The following CNTN5 variants were observed in gnomAD, a reference collection of about 807,000 sequenced individuals.
CNTN5 encodes contactin-5.
A neutral mutation model predicts 129.1 loss-of-function variants in CNTN5; 77 were observed. That is an observed-to-expected ratio of 0.60 (90% CI 0.50 to 0.72). CNTN5 has a LOEUF of 0.72. Ranked by LOEUF, CNTN5 falls within the 30% of genes least tolerant of loss-of-function variation. The pLI is 0.00. For synonymous variants in CNTN5, 509 were observed against 465.6 expected, an observed-to-expected ratio of 1.09 and a Z score of -1.20; for missense variants, 1,478 against 1,328.8, an observed-to-expected ratio of 1.11 and a Z score of -1.75.
At chr11:99,037,847 C>A (rs1431357227) in intron 1 of CNTN5, among the ~76,000 whole-genome samples, 1 of 151,910 alleles carries the variant, frequency 6.6e-6, no homozygotes, top group Admixed American at 6.6e-5. Context: ...CAGGTGTGAG[C>A]CACTGTGCCT....
intron 1 of CNTN5, among the ~76,000 whole-genome samples, chr11:99,159,990 GAC>G (rs1289625861): frequency 1.1e-4 from 16 of 152,272 alleles, no homozygotes; most frequent in Admixed American, 1.0e-3. Flanking sequence ...TTATGTCTTA[GAC>G]ACAGGGAGCA....
chr11:99,319,355 G>C (rs1318534442), intron 1 of CNTN5, among the ~76,000 whole-genome samples: 1 of 152,156 alleles, frequency 6.6e-6, no homozygotes. Flanking sequence ...ATTGGTGTTT[G>C]ATTCAGTTCG....
At chr11:99,889,293 TGTGTGTGTGTGTGTGTGTGTGTGTGTG>T (rs1948983928) in intron 6 of CNTN5, among the ~76,000 whole-genome samples, 2 of 1,976 alleles carry the variant, frequency 1.0e-3, no homozygotes, top group South Asian at 0.029. Context: ...CCAGAGCAGG[TGTGTGTGTGTGTGTGTGTGTGTGTGTG>T]TGTGTGTGTG....
chr11:99,446,490 C>T (rs1944077228), intron 2 of CNTN5, among the ~76,000 whole-genome samples: 1 of 151,986 alleles, frequency 6.6e-6, no homozygotes, highest in Admixed American at 6.6e-5. Flanking sequence ...TTTTTTCTTC[C>T]AATCCTTCTA....
chr11:99,484,915 C>T (rs1945749688), intron 2 of CNTN5, among the ~76,000 whole-genome samples: 1 of 151,812 alleles, frequency 6.6e-6, no homozygotes, highest in Non-Finnish European at 1.5e-5. Flanking sequence ...TTGGGAAGGG[C>T]CGGGGAGAGG....
At chr11:99,750,289 A>G (rs1462982356) in intron 3 of CNTN5, among the ~76,000 whole-genome samples, 1 of 152,172 alleles carries the variant, frequency 6.6e-6, no homozygotes, top group Non-Finnish European at 1.5e-5. Context: ...TTTAATATCT[A>G]TCTTACCTCT....
chr11:100,092,492 T>G (rs1944827434), intron 13 of CNTN5, among the ~76,000 whole-genome samples: 1 of 152,154 alleles, frequency 6.6e-6, no homozygotes, highest in Non-Finnish European at 1.5e-5. Context: ...CCATCCATAT[T>G]AAGCACAAAT....
intron 1 of CNTN5, among the ~76,000 whole-genome samples, chr11:99,050,884 A>G (rs1287139838): frequency 6.6e-6 from 1 of 151,934 alleles, no homozygotes; most frequent in Non-Finnish European, 1.5e-5. Flanking sequence ...AATTCAGCTC[A>G]GTCTATAACA....
intron 8 of CNTN5, among the ~76,000 whole-genome samples, chr11:99,973,056 A>C (rs1937685142): frequency 6.6e-6 from 1 of 152,026 alleles, no homozygotes; most frequent in South Asian, 2.1e-4. Flanking sequence ...GCCTAAAAAA[A>C]GGTGAATGAA....
rs1302979563 is a variant in CNTN5, at chr11:99,578,362, TC to T, written c.55+22094del. On this transcript the variant is annotated intron_variant, in intron 3 of 24. Coordinates refer to ENST00000524871, the MANE Select transcript of CNTN5 (RefSeq NM_014361.4). ...TATACCCAGTAATGGGATAGTTGGG[TC>T]AAATGGTATTTCTAGTTCTAGATCC... Among the ~76,000 whole-genome samples, 5 of 149,320 alleles carry T rather than the reference TC, an allele frequency of 3.3e-5. No homozygotes were observed. In the East Asian group the frequency reaches 1.0e-3, roughly 30 times the overall value.
chr11:99,569,403 TCCC>T (rs1949108141), intron 3 of CNTN5, among the ~76,000 whole-genome samples: 1 of 152,140 alleles, frequency 6.6e-6, no homozygotes, highest in Non-Finnish European at 1.5e-5. Flanking sequence ...AAGCTCCGCC[TCCC>T]GGGTTCAAGC....
intron 1 of CNTN5, among the ~76,000 whole-genome samples, chr11:99,037,448 A>G (rs1863792479): frequency 6.6e-6 from 1 of 152,072 alleles, no homozygotes. Flanking sequence ...ACAACAATGC[A>G]TATATTTTAA....
intron 2 of CNTN5, among the ~76,000 whole-genome samples, chr11:99,479,744 TA>T (rs1945517210): frequency 1.3e-5 from 2 of 152,044 alleles, no homozygotes; most frequent in Non-Finnish European, 2.9e-5. Context: ...TAATTAAATT[TA>T]AAAAACAAAA....
At chr11:99,892,827 A>G (rs977394955) in intron 6 of CNTN5, among the ~76,000 whole-genome samples, 2 of 152,094 alleles carry the variant, frequency 1.3e-5, no homozygotes, top group African/African-American at 4.8e-5. Flanking sequence ...TTTTGGTTCC[A>G]TATGAAGTTT....
chr11:99,606,775 G>T (rs1591351535), intron 3 of CNTN5, among the ~76,000 whole-genome samples: 1 of 142,406 alleles, frequency 7.0e-6, no homozygotes, highest in Non-Finnish European at 1.6e-5. Context: ...ACAGAACAGA[G>T]CCCTCAGAAA....
chr11:99,429,838 A>G (rs1224747137), intron 2 of CNTN5, among the ~76,000 whole-genome samples: 4 of 152,086 alleles, frequency 2.6e-5, no homozygotes, highest in Non-Finnish European at 5.9e-5. Flanking sequence ...CACTGAGAGT[A>G]GCCCCCGCCC....
At chr11:99,946,301 T>G (rs1003355037) in intron 7 of CNTN5, among the ~76,000 whole-genome samples, 1 of 152,108 alleles carries the variant, frequency 6.6e-6, no homozygotes, top group Admixed American at 6.6e-5. Flanking sequence ...GTCTTGAGAT[T>G]TGGGAAAATA....
intron 13 of CNTN5, among the ~76,000 whole-genome samples, chr11:100,162,561 G>C (rs1385120861): frequency 6.6e-6 from 1 of 151,684 alleles, no homozygotes; most frequent in African/African-American, 2.4e-5. Flanking sequence ...ATATTGTCTA[G>C]TATTAGGCAT....
At chr11:100,197,821 G>T (rs1565335495) in intron 15 of CNTN5, among the ~76,000 whole-genome samples, 1 of 151,932 alleles carries the variant, frequency 6.6e-6, no homozygotes, top group African/African-American at 2.4e-5. Flanking sequence ...TTGTCAGAAT[G>T]GTCCACTAGA....
Sources: allele counts gnomAD v4.1 joint callset (sites outside exome capture counted in the v4.1 genomes callset), GRCh38; gene constraint gnomAD v4.1.1; transcripts MANE v1.5; gene names NCBI Gene and HGNC (gene_info 2026-07-23, HGNC 2026-07-21).